CADM2: variants seen among roughly 807,000 people sequenced by gnomAD.
CADM2 encodes the protein immunoglobulin superfamily member 4D.
CADM2 carries 12 observed loss-of-function variants against 49.8 expected under a neutral mutation model. The ratio of observed to expected loss-of-function variants is 0.24; its 90% confidence interval spans 0.15 to 0.39. The LOEUF (loss-of-function observed/expected upper bound fraction) is 0.39. Ranked by LOEUF, CADM2 falls within the 10% of genes least tolerant of loss-of-function variation. The probability of loss-of-function intolerance (pLI) is 1.00; values close to 1 mark genes in which losing one functional copy is unlikely to be tolerated. For synonymous variants in CADM2, 214 were observed against 175.4 expected (o/e 1.22, Z -1.74); for missense variants, 378 against 492.3 (o/e 0.77, Z 2.20).
At chr3:85,925,576 C>T (rs935941956) in intron 6 of CADM2, among the ~76,000 whole-genome samples, 4 of 152,122 alleles carry the variant, frequency 2.6e-5, no homozygotes, top group African/African-American at 7.2e-5. Flanking sequence ...CTGAAAGAGT[C>T]CTGTTAACCC....
At chr3:85,635,182 A>C (rs1398996693) in intron 1 of CADM2, among the ~76,000 whole-genome samples, 1 of 152,132 alleles carries the variant, frequency 6.6e-6, no homozygotes, top group East Asian at 1.9e-4. Flanking sequence ...TGTTTTAAAA[A>C]ATACAATCTC....
chr3:85,989,174 A>G (rs1161423584), intron 8 of CADM2, among the ~76,000 whole-genome samples: 1 of 152,154 alleles, frequency 6.6e-6, no homozygotes, highest in Non-Finnish European at 1.5e-5. Flanking sequence ...GTGGAGCCAA[A>G]GTGTGTAAAA....
chr3:85,557,756 A>G (rs1243566518), intron 1 of CADM2, among the ~76,000 whole-genome samples: 1 of 152,016 alleles, frequency 6.6e-6, no homozygotes, highest in African/African-American at 2.4e-5. Flanking sequence ...TCATTTGGTC[A>G]TTTTCAAGTT....
chr3:85,117,821 G>C (rs1390792245), intron 1 of CADM2, among the ~76,000 whole-genome samples: 1 of 152,066 alleles, frequency 6.6e-6, no homozygotes, highest in Non-Finnish European at 1.5e-5. Context: ...TTCTTCCTTT[G>C]TGTGGAGCCA....
intron 1 of CADM2, among the ~76,000 whole-genome samples, chr3:85,005,461 A>C (rs1559612693): frequency 6.6e-6 from 1 of 152,198 alleles, no homozygotes; most frequent in African/African-American, 2.4e-5. Context: ...CTGATTGGAA[A>C]AAAAATTCAT....
chr3:85,644,436 A>G (rs530715978), intron 1 of CADM2, among the ~76,000 whole-genome samples: 1 of 152,162 alleles, frequency 6.6e-6, no homozygotes, highest in Admixed American at 6.6e-5. Context: ...GAGGAGCACA[A>G]TTCAGTCCAT....
At chr3:86,048,646 C>T (rs1363171806) in intron 8 of CADM2, among the ~76,000 whole-genome samples, 12 of 152,090 alleles carry the variant, frequency 7.9e-5, no homozygotes, top group Non-Finnish European at 1.6e-4. Context: ...ATGATATATA[C>T]TACAGCTATC....
chr3:85,445,116 T>C (rs1167414173), intron 1 of CADM2, among the ~76,000 whole-genome samples: 2 of 152,136 alleles, frequency 1.3e-5, no homozygotes, highest in Non-Finnish European at 2.9e-5. Flanking sequence ...GTTTTTGATA[T>C]CTTCGTTTTG....
chr3:85,611,404 AT>A (rs1177862987), intron 1 of CADM2, among the ~76,000 whole-genome samples: 1 of 151,838 alleles, frequency 6.6e-6, no homozygotes, highest in African/African-American at 2.4e-5. Context: ...ATATCACGAA[AT>A]TTTCAATTTA....
At chr3:85,895,913 C>T (rs1559727847) in intron 5 of CADM2, among the ~76,000 whole-genome samples, 1 of 152,110 alleles carries the variant, frequency 6.6e-6, no homozygotes, top group Non-Finnish European at 1.5e-5. Flanking sequence ...TCCATTAAAC[C>T]TCTTTTTCTT....
intron 1 of CADM2, among the ~76,000 whole-genome samples, chr3:85,532,608 G>C (rs62252503): frequency 0.51 from 77,467 of 151,516 alleles, 22,827 homozygotes; most frequent in East Asian, 0.85. Flanking sequence ...AGGAGAAATT[G>C]TATTTCATTG....
At chr3:85,176,572 A>C (rs2040793110) in intron 1 of CADM2, among the ~76,000 whole-genome samples, 1 of 152,114 alleles carries the variant, frequency 6.6e-6, no homozygotes, top group Admixed American at 6.5e-5. Flanking sequence ...TCAGATGCAG[A>C]TTTTACCTTG....
At chr3:85,990,923 A>G (rs1000486599) in intron 8 of CADM2, among the ~76,000 whole-genome samples, 5 of 152,184 alleles carry the variant, frequency 3.3e-5, no homozygotes, top group African/African-American at 9.6e-5. Context: ...CCATTTTGTC[A>G]TAAGGATTAT....
intron 1 of CADM2, among the ~76,000 whole-genome samples, chr3:84,976,170 A>T (rs910171247): frequency 4.0e-5 from 6 of 151,810 alleles, no homozygotes; most frequent in Non-Finnish European, 7.4e-5. Context: ...TGTTATGGGA[A>T]TAAAGTGTGA....
rs550345915 is a variant in CADM2, at chr3:85,460,800, T to A, written c.62-265722T>A. The stretch of plus-strand genomic sequence containing the variant: ...CCACCATTCCCATTCCCTTGAAAGG[T>A]AGGTGAGGAAAGTGTCTAATAGATA... On this transcript the variant is annotated intron_variant, in intron 1 of 9. Transcript: ENST00000383699. Among the ~76,000 whole-genome samples, 10 of 151,584 alleles carry A rather than the reference T, an allele frequency of 6.6e-5. No individual in the cohort carries two copies. In the South Asian group the frequency reaches 1.9e-3, roughly 28 times the overall value.
chr3:85,237,335 C>G (rs1038772101), intron 1 of CADM2, among the ~76,000 whole-genome samples: 3 of 151,558 alleles, frequency 2.0e-5, no homozygotes, highest in African/African-American at 7.3e-5. Context: ...TATGCTGTTT[C>G]AGTATCTTGT....
chr3:85,023,057 T>G (rs1160464184), intron 1 of CADM2, among the ~76,000 whole-genome samples: 3 of 152,130 alleles, frequency 2.0e-5, no homozygotes, highest in African/African-American at 4.8e-5. Context: ...TCAGAATAAT[T>G]TATACTATTA....
chr3:86,002,938 A>C (rs924597536), intron 8 of CADM2, among the ~76,000 whole-genome samples: 1 of 152,178 alleles, frequency 6.6e-6, no homozygotes, highest in Non-Finnish European at 1.5e-5. Flanking sequence ...GTTATTTGAA[A>C]ACAATAGGCT....
At chr3:85,083,899 A>T (rs182903639) in intron 1 of CADM2, among the ~76,000 whole-genome samples, 9 of 152,160 alleles carry the variant, frequency 5.9e-5, no homozygotes, top group Admixed American at 5.9e-4. Flanking sequence ...AAGTTCCTAT[A>T]GAAAGAAATA....
Sources: gnomAD v4.1 joint callset for allele counts (sites outside exome capture counted in the v4.1 genomes callset) on GRCh38, gnomAD v4.1.1 for gene constraint, MANE v1.5 for transcripts, NCBI Gene and HGNC (gene_info 2026-07-23, HGNC 2026-07-21) for gene names.